Variants in USP24 observed in about 807,000 individuals in gnomAD.
The protein encoded by USP24 is ubiquitin specific peptidase 24, also known as ubiquitin carboxyl-terminal hydrolase 24.
In USP24, 97 loss-of-function variants were observed where a neutral mutation model predicts 361.6. The ratio of observed to expected loss-of-function variants is 0.27; its 90% CI spans 0.23 to 0.32. USP24 has a LOEUF of 0.32. Ranked by LOEUF, USP24 falls within the 10% of genes least tolerant of loss-of-function variation. The pLI, the probability that USP24 is intolerant of heterozygous loss-of-function variation, is 1.00. For missense variants in USP24, 2,353 were observed against 3,165.6 expected (o/e 0.74, Z 6.16); for synonymous variants, 1,098 against 1,124.6 (o/e 0.98, Z 0.47).
Position 55,125,521 on chromosome 1 carries a change from G to A in USP24, c.3759C>T (p.Pro1253=). The change falls in exon 34 of 68, where the codon CCC becomes CCT. Residue 1253 remains proline, a synonymous_variant. Coordinates refer to ENST00000294383, the MANE Select transcript of USP24 (RefSeq NM_015306.3). ...ARFLLVGQTM[P]TLLDEDLTKD... is the part of the protein sequence containing the mutation. ...TGGTGAGGTCTTCATCTAATAACGT[G>A]GGCATTGTTTGTCCGACAAGTAAAA... is the stretch of plus-strand genomic sequence containing the variant. The A allele has an allele frequency of 6.2e-7, 1 of 1,613,672 alleles. No homozygotes were observed. The highest frequency in any genetic ancestry group is 8.5e-7 in the Non-Finnish European group (1 of 1,179,672).
intron 24 of USP24, among the ~76,000 whole-genome samples, chr1:55,140,490 G>A (rs1341440132): frequency 6.6e-6 from 1 of 152,132 alleles, no homozygotes; most frequent in Non-Finnish European, 1.5e-5. Context: ...CATTACTTCT[G>A]CCATTTAAAA....
At chr1:55,131,451 T>C (rs1361276429) in intron 31 of USP24, among the ~76,000 whole-genome samples, 5 of 152,230 alleles carry the variant, frequency 3.3e-5, no homozygotes, top group Non-Finnish European at 7.3e-5. Context: ...GTGGTTTCCA[T>C]GCTGAATACT....
chr1:55,134,428 C>T lies in USP24; in HGVS notation c.3202-15G>A. ...AGGGATTTCTCCTGATGGAAAAAAG[C>T]AAAATAGAAATTCAAATTTACAAAA... On this transcript the variant is annotated splice_polypyrimidine_tract_variant and intron_variant, in intron 28 of 67. Coordinates refer to ENST00000294383, the MANE Select transcript of USP24 (RefSeq NM_015306.3). The T allele has an allele frequency of 6.3e-7, 1 of 1,595,488 alleles. No individual in the cohort carries two copies. The highest frequency in any genetic ancestry group is 8.6e-7 in the Non-Finnish European group (1 of 1,165,672).
intron 52 of USP24, 35 bp from the exon 53 acceptor site, chr1:55,092,951 T>C: frequency 7.4e-7 from 1 of 1,357,674 alleles, no homozygotes; most frequent in Non-Finnish European, 1.0e-6. Context: ...TTTTATGAAA[T>C]GGAAAAATAT....
intron 24 of USP24, among the ~76,000 whole-genome samples, chr1:55,140,547 A>C (rs1203030984): frequency 2.0e-5 from 3 of 152,204 alleles, no homozygotes; most frequent in Non-Finnish European, 4.4e-5. Flanking sequence ...CATATTAACA[A>C]AGTACAGTGA....
At chr1:55,106,673 C>T (rs1310560642) in intron 40 of USP24, among the ~76,000 whole-genome samples, 1 of 152,200 alleles carries the variant, frequency 6.6e-6, no homozygotes, top group Non-Finnish European at 1.5e-5. Flanking sequence ...ATGCCTTTCT[C>T]TCTCTGGTTA....
chr1:55,190,068 G>A (rs1644244527), intron 1 of USP24, among the ~76,000 whole-genome samples: 1 of 150,750 alleles, frequency 6.6e-6, no homozygotes, highest in Admixed American at 6.6e-5. Context: ...GGGAAGCTGA[G>A]GCAGGAGAAT....
chr1:55,154,187 C>T lies in USP24; in HGVS notation c.1744G>A (p.Asp582Asn). The change falls in exon 15 of 68, where the codon GAT becomes AAT. Residue 582 changes from aspartate (D) to asparagine (N), a missense_variant. Transcript: ENST00000294383. ...ALEEHLTILS[D>N]AYAVKEAIKR... is the part of the protein sequence containing the mutation. Reference sequence around the variant, plus strand: ...ATTGCTTCTTTCACTGCATATGCATCACTAAGGATTGTCAGGTGCTCCTCC... The same window carrying T: ...ATTGCTTCTTTCACTGCATATGCATTACTAAGGATTGTCAGGTGCTCCTCC... 1.9e-6 allele frequency: 3 copies of T among 1,613,608 alleles called. No homozygotes were observed. The highest frequency in any genetic ancestry group is 2.5e-6 in the Non-Finnish European group (3 of 1,179,708).
intron 1 of USP24, among the ~76,000 whole-genome samples, chr1:55,208,836 T>G (rs185900670): frequency 2.3e-3 from 355 of 151,920 alleles, no homozygotes; most frequent in Middle Eastern, 6.8e-3. Flanking sequence ...CTTGGGAGGC[T>G]GAGGCAGAAG....
At chr1:55,196,295 T>C (rs544669612) in intron 1 of USP24, among the ~76,000 whole-genome samples, 41 of 152,236 alleles carry the variant, frequency 2.7e-4, no homozygotes, top group African/African-American at 9.9e-4. Flanking sequence ...AGACTGAGGC[T>C]CCCCCTTGGT....
At chr1:55,198,417 A>G (rs1644475833) in intron 1 of USP24, among the ~76,000 whole-genome samples, 2 of 152,356 alleles carry the variant, frequency 1.3e-5, no homozygotes, top group East Asian at 3.9e-4. Context: ...TGTGTGTAGA[A>G]AGAACACAGA....
At chr1:55,199,784 T>C (rs1047030825) in intron 1 of USP24, among the ~76,000 whole-genome samples, 1 of 152,110 alleles carries the variant, frequency 6.6e-6, no homozygotes, top group African/African-American at 2.4e-5. Context: ...AAAATATATC[T>C]AGTATTGTAT....
intron 57 of USP24, 124 bp from the exon 58 acceptor site, chr1:55,083,488 A>T: frequency 1.1e-6 from 1 of 948,668 alleles, no homozygotes; most frequent in South Asian, 1.8e-5. Context: ...ATTTCCATAT[A>T]GAAAGTACTT....
chr1:55,115,863 T>G (rs1258647658), intron 38 of USP24, among the ~76,000 whole-genome samples: 1 of 152,202 alleles, frequency 6.6e-6, no homozygotes, highest in Non-Finnish European at 1.5e-5. Context: ...TCATACCCTT[T>G]GCAGGGACAC....
intron 38 of USP24, among the ~76,000 whole-genome samples, chr1:55,116,439 AAAGGGAG>A (rs1232321508): frequency 6.6e-6 from 1 of 152,084 alleles, no homozygotes; most frequent in East Asian, 1.9e-4. Flanking sequence ...CTAACACAAA[AAAGGGAG>A]AAGGATCAAA....
intron 19 of USP24, 99 bp from the exon 20 acceptor site, chr1:55,146,208 T>A (rs766015051): frequency 5.3e-6 from 4 of 761,038 alleles, no homozygotes; most frequent in Non-Finnish European, 8.4e-6. Context: ...ATACTTCAAA[T>A]GTTTATACTG....
chr1:55,171,608 A>G lies in USP24; in HGVS notation c.773T>C (p.Val258Ala), dbSNP rs370470764. 15 of 1,610,940 alleles carry G rather than the reference A, an allele frequency of 9.3e-6. No individual in the cohort carries two copies. In the Middle Eastern group the frequency reaches 1.5e-3, roughly 160 times the overall value. ...AGCAAACATATTTCCCTCTCCAAAC[A>G]CTTCTGCCCAATTCCTTTGAGACAC... The part of the protein sequence containing the change: ...MKVSQRNWAE[V>A]FGEGNMFAVS... Residue 258 changes from valine to alanine, a missense_variant, in exon 5 of 68, where the codon GTG (valine) becomes GCG (alanine). Around this residue, in one of 8 missense-constraint regions of USP24, gnomAD observed 386 missense variants for 560.5 expected, o/e 0.69. Transcript: ENST00000294383.
At chr1:55,098,674 ATCAGC>A in intron 45 of USP24, 116 bp from the exon 46 acceptor site, 1 of 743,632 alleles carries the variant, frequency 1.3e-6, no homozygotes. Flanking sequence ...TTCTGGTAGT[ATCAGC>A]TGTGGTGAAT....
chr1:55,191,862 C>A lies in USP24; in HGVS notation c.325-13730G>T, dbSNP rs187999700. On this transcript the variant is annotated intron_variant, in intron 1 of 67. Coordinates refer to ENST00000294383, the MANE Select transcript of USP24 (RefSeq NM_015306.3). ...CAGTCACTGTACAATATTAATCTACCCCCACACAGTTTAGCAAAGATCTTT... is the reference window on the plus strand; with the variant it reads ...CAGTCACTGTACAATATTAATCTACACCCACACAGTTTAGCAAAGATCTTT... 2.6e-5 allele frequency among the ~76,000 whole-genome samples: 4 copies of A among 152,178 alleles called. No homozygotes were observed. In the East Asian group the frequency reaches 5.8e-4, roughly 22 times the overall value.
Sources: allele counts gnomAD v4.1 joint callset (sites outside exome capture counted in the v4.1 genomes callset), GRCh38; gene constraint gnomAD v4.1.1; regional missense constraint gnomAD v4.1.1; transcripts MANE v1.5; gene names NCBI Gene and HGNC (gene_info 2026-07-23, HGNC 2026-07-21).